Variants in TNRC6A observed in about 807,000 individuals in gnomAD.
TNRC6A encodes the protein trinucleotide repeat-containing gene 6A protein.
Under a neutral mutation model 221.2 loss-of-function variants are expected in TNRC6A, and 44 were observed. That is an observed-to-expected ratio of 0.20 (90% CI 0.16 to 0.26). The LOEUF is 0.26. Ranked by LOEUF, TNRC6A falls within the 10% of genes least tolerant of loss-of-function variation. The pLI, the probability that TNRC6A is intolerant of heterozygous loss-of-function variation, is 1.00. For missense variants in TNRC6A, 2,199 were observed against 2,404.4 expected, an observed-to-expected ratio of 0.91 and a Z score of 1.79; for synonymous variants, 847 against 838.5, an observed-to-expected ratio of 1.01 and a Z score of -0.18.
At chr16:24,808,562 G>A (rs113556406) in intron 17 of TNRC6A, among the ~76,000 whole-genome samples, 33 of 152,344 alleles carry the variant, frequency 2.2e-4, no homozygotes, top group African/African-American at 7.7e-4. Context: ...CTCCTGATCC[G>A]ATTGATGGGT....
In TNRC6A at chr16:24,791,813, C is replaced by T; in HGVS notation, c.3171C>T (p.Gly1057=). ...SAISNKEASS[G]SGWGEPWGEP... is the part of the protein sequence containing the mutation. ...TCTCAAACAAAGAGGCAAGCAGTGG[C>T]TCTGGTAAGTTTCTATTTTATGAAA... The change falls in exon 6 of 25, where the codon GGC becomes GGT. Residue 1057 remains glycine, a synonymous_variant. Transcript: ENST00000395799. 1 of 1,528,112 alleles carries T rather than the reference C, an allele frequency of 6.5e-7. No individual in the cohort carries two copies. The highest frequency in any genetic ancestry group is 2.3e-5 in the Admixed American group (1 of 43,910). The allele number at this position is 1,528,112 out of a possible 1,614,324, so 94.7% of individuals were successfully genotyped here.
intron 2 of TNRC6A, among the ~76,000 whole-genome samples, chr16:24,708,997 C>G (rs1171316235): frequency 6.6e-6 from 1 of 152,168 alleles, no homozygotes; most frequent in Non-Finnish European, 1.5e-5. Context: ...TGGCTCACGC[C>G]TGTAATCCCA....
rs555855588 is a variant in TNRC6A, at chr16:24,791,901, C to G, written c.3175+84C>G. The G allele has an allele frequency of 1.7e-5, 23 of 1,356,718 alleles. No individual in the cohort carries two copies. In the South Asian group the frequency reaches 3.9e-4, roughly 23 times the overall value. The allele number at this position is 1,356,718 out of a possible 1,614,324, so 84.0% of individuals were successfully genotyped here. A position where few individuals can be genotyped will look rare whatever the true frequency, so the allele number is the denominator to read the frequency against. ...GTATAACAAAGTACTTGGATATGCA[C>G]ACAAAGGCTGTTCTTACTGTAATCC... On this transcript the variant is annotated intron_variant, in intron 6 of 24. Transcript: ENST00000395799.
At chr16:24,758,885 AGACATCGGAGT>A (rs2057305536) in intron 4 of TNRC6A, among the ~76,000 whole-genome samples, 1 of 152,010 alleles carries the variant, frequency 6.6e-6, no homozygotes, top group South Asian at 2.1e-4. Context: ...CCCAAGCAAA[AGACATCGGAGT>A]GATAAGGAAA....
intron 2 of TNRC6A, among the ~76,000 whole-genome samples, chr16:24,714,182 G>A (rs936762147): frequency 2.0e-5 from 3 of 151,820 alleles, no homozygotes; most frequent in Non-Finnish European, 4.4e-5. Flanking sequence ...CAGCTCACTG[G>A]TGATCTGTTC....
intron 2 of TNRC6A, among the ~76,000 whole-genome samples, chr16:24,738,169 G>T (rs1338547961): frequency 1.3e-5 from 2 of 152,094 alleles, no homozygotes; most frequent in Non-Finnish European, 2.9e-5. Context: ...CCAGACTCTT[G>T]TTTTTTGCTC....
At chr16:24,715,622 CT>C (rs968701842) in intron 2 of TNRC6A, among the ~76,000 whole-genome samples, 2 of 86,890 alleles carry the variant, frequency 2.3e-5, no homozygotes, top group African/African-American at 8.8e-5. Flanking sequence ...TTTTTTTTTT[CT>C]TTTTTTTTAA....
At chr16:24,747,027 GC>G (rs1448052468) in intron 2 of TNRC6A, among the ~76,000 whole-genome samples, 3 of 152,070 alleles carry the variant, frequency 2.0e-5, no homozygotes, top group African/African-American at 7.2e-5. Flanking sequence ...ATTTGTAGTG[GC>G]TACTGGAAGA....
At chr16:24,821,175 A>G (rs1268496113) in intron 22 of TNRC6A, among the ~76,000 whole-genome samples, 7 of 152,232 alleles carry the variant, frequency 4.6e-5, no homozygotes, top group South Asian at 2.1e-4. Flanking sequence ...GCAAGTTAAC[A>G]TAATTGGTGT....
At chr16:24,810,967 G>C (rs1452715942) in intron 18 of TNRC6A, among the ~76,000 whole-genome samples, 1 of 151,796 alleles carries the variant, frequency 6.6e-6, no homozygotes, top group Non-Finnish European at 1.5e-5. Flanking sequence ...TGATCAGCTA[G>C]TCAGTCTCCA....
intron 2 of TNRC6A, among the ~76,000 whole-genome samples, chr16:24,732,163 G>A (rs534022648): frequency 6.6e-6 from 1 of 152,094 alleles, no homozygotes; most frequent in African/African-American, 2.4e-5. Context: ...TGAGAGGGGA[G>A]CATTTCTTGC....
At chr16:24,758,650 G>A (rs2057301227) in intron 4 of TNRC6A, among the ~76,000 whole-genome samples, 3 of 152,224 alleles carry the variant, frequency 2.0e-5, no homozygotes, top group Non-Finnish European at 4.4e-5. Context: ...TGGGGCACAG[G>A]CACCTTTCCT....
chr16:24,722,434 T>C (rs1273890940), intron 2 of TNRC6A, among the ~76,000 whole-genome samples: 4 of 151,456 alleles, frequency 2.6e-5, no homozygotes, highest in East Asian at 1.9e-4. Flanking sequence ...TATTTACTTA[T>C]TTATTTATTT....
At position 24,816,772 on chromosome 16, in the gene TNRC6A, A is replaced by C. The variant is rs1209254364; in HGVS notation, c.4832-44A>C. The C allele has an allele frequency of 1.9e-6, 3 of 1,576,654 alleles. No homozygotes were observed. In the South Asian group the frequency reaches 3.5e-5, roughly 19 times the overall value. On this transcript the variant is annotated intron_variant, in intron 19 of 24. Transcript: ENST00000395799. Reference sequence around the variant, plus strand: ...TTGGATATTTATTAATGGATTTTAAAATGATGATTAAGCTTTGAACTAATT... The same window carrying C: ...TTGGATATTTATTAATGGATTTTAACATGATGATTAAGCTTTGAACTAATT...
In TNRC6A at chr16:24,793,463, C is replaced by G. The variant is rs774358394; in HGVS notation, c.3176-10C>G. On this transcript the variant is annotated splice_polypyrimidine_tract_variant and intron_variant, in intron 6 of 24. Coordinates refer to ENST00000395799, the MANE Select transcript of TNRC6A (RefSeq NM_014494.4). ...TATGCTGATGACTTCTTTTCCCACA[C>G]TTTCTAAAGGCTGGGGTGAGCCCTG... 1 of 1,402,736 alleles carries G rather than the reference C, an allele frequency of 7.1e-7. No homozygotes were observed. The highest frequency in any genetic ancestry group is 2.0e-5 in the South Asian group (1 of 51,222). 86.9% of individuals were successfully genotyped at this position (1,402,736 alleles called of 1,614,324 possible).
chr16:24,768,432 C>CAAA (rs35193077), intron 4 of TNRC6A, among the ~76,000 whole-genome samples: 1,405 of 88,846 alleles, frequency 0.016, 41 homozygotes, highest in African/African-American at 0.042. Flanking sequence ...GACTCTGTCT[C>CAAA]AAAAAAAAAA....
chr16:24,758,197 T>A, intron 3 of TNRC6A, 142 bp from the exon 4 acceptor site: 1 of 753,866 alleles, frequency 1.3e-6, no homozygotes, highest in Non-Finnish European at 2.1e-6. Flanking sequence ...TATCTTTTCC[T>A]GTGCAGTTCA....
intron 2 of TNRC6A, among the ~76,000 whole-genome samples, chr16:24,692,841 C>T (rs2055783104): frequency 6.6e-6 from 1 of 151,954 alleles, no homozygotes. Context: ...AGGAGCTGTT[C>T]TTAGTGAAAA....
At chr16:24,748,290 G>A (rs2151379474) in intron 2 of TNRC6A, among the ~76,000 whole-genome samples, 1 of 152,296 alleles carries the variant, frequency 6.6e-6, no homozygotes, top group South Asian at 2.1e-4. Context: ...CTCAGGGTAG[G>A]TAACATGACA....
Sources: allele counts gnomAD v4.1 joint callset (sites outside exome capture counted in the v4.1 genomes callset), GRCh38; gene constraint gnomAD v4.1.1; transcripts MANE v1.5; gene names NCBI Gene and HGNC (gene_info 2026-07-23, HGNC 2026-07-21).